CCSER1: variants seen among roughly 807,000 people sequenced by gnomAD.
CCSER1 encodes serine-rich coiled-coil domain-containing protein 1.
CCSER1 carries 41 observed loss-of-function variants against 82.0 expected under a neutral mutation model. The observed-to-expected ratio is 0.50, with a 90% CI of 0.39 to 0.65. The LOEUF is 0.65. Among genes scored for constraint, CCSER1 ranks in the 30% least tolerant of loss-of-function variants. CCSER1 has a pLI of 0.00. For synonymous variants in CCSER1, 414 were observed against 383.9 expected, an observed-to-expected ratio of 1.08 and a Z score of -0.92; for missense variants, 1,119 against 1,064.2, an observed-to-expected ratio of 1.05 and a Z score of -0.72.
chr4:91,506,858 G>A (rs1043163019), intron 10 of CCSER1, among the ~76,000 whole-genome samples: 2 of 151,994 alleles, frequency 1.3e-5, no homozygotes, highest in Admixed American at 6.6e-5. Flanking sequence ...CAATGAATTT[G>A]CCTATTTTGG....
chr4:91,480,349 A>C (rs891777528), intron 10 of CCSER1, among the ~76,000 whole-genome samples: 2 of 152,228 alleles, frequency 1.3e-5, no homozygotes, highest in Non-Finnish European at 2.9e-5. Flanking sequence ...ACTAGTTCAC[A>C]GTCCCACCAA....
At chr4:91,133,181 C>T (rs182699944) in intron 10 of CCSER1, among the ~76,000 whole-genome samples, 3 of 152,266 alleles carry the variant, frequency 2.0e-5, no homozygotes, top group Admixed American at 2.0e-4. Flanking sequence ...TGGTTCCCTT[C>T]TCTTCTCTTT....
rs375997127 is a variant in CCSER1 at position 90,810,832 on chromosome 4, CT to C, written c.2011-4912del. Among the ~76,000 whole-genome samples, 785 of 113,576 alleles carry C rather than the reference CT, an allele frequency of 6.9e-3. 7 individuals carry two copies. Among genetic ancestry groups the C allele is most frequent in the African/African-American group, 0.022 (646 of 28,908 alleles). The allele number at this position is 113,576 out of a possible 152,430, so 74.5% of individuals were successfully genotyped here. A position where few individuals can be genotyped will look rare whatever the true frequency, so the allele number is the denominator to read the frequency against. The stretch of plus-strand genomic sequence containing the variant: ...CTTTCTAGTGAAATAAAGAGTAATT[CT>C]TTTTTTTTTTTTTTTTTGAGACGGA... On this transcript the variant is annotated intron_variant, in intron 7 of 10. Coordinates refer to ENST00000509176, the MANE Select transcript of CCSER1 (RefSeq NM_001145065.2).
chr4:91,267,661 G>A (rs1741708786), intron 10 of CCSER1, among the ~76,000 whole-genome samples: 1 of 152,126 alleles, frequency 6.6e-6, no homozygotes, highest in South Asian at 2.1e-4. Flanking sequence ...TTAGATAAGT[G>A]TCTTTTGGGA....
intron 1 of CCSER1, among the ~76,000 whole-genome samples, chr4:90,297,053 GA>G (rs1732101812): frequency 6.6e-6 from 1 of 151,828 alleles, no homozygotes; most frequent in Admixed American, 6.6e-5. Context: ...GCTTGATGGG[GA>G]TGGCATTGGA....
chr4:91,446,676 A>AATATAT (rs70965498), intron 10 of CCSER1, among the ~76,000 whole-genome samples: 70 of 142,532 alleles, frequency 4.9e-4, no homozygotes, highest in Non-Finnish European at 8.2e-4. Context: ...TAAATAAATA[A>AATATAT]ATATATATAT....
chr4:91,113,069 T>C (rs1726222416), intron 10 of CCSER1, among the ~76,000 whole-genome samples: 1 of 152,250 alleles, frequency 6.6e-6, no homozygotes, highest in African/African-American at 2.4e-5. Context: ...TAGCTGCGGC[T>C]ATAGAAATTA....
chr4:90,867,357 A>C (rs1216151647), intron 8 of CCSER1, among the ~76,000 whole-genome samples: 8 of 152,144 alleles, frequency 5.3e-5, no homozygotes, highest in Non-Finnish European at 1.2e-4. Flanking sequence ...TAAATATTTA[A>C]CCGCATTCAA....
intron 8 of CCSER1, among the ~76,000 whole-genome samples, chr4:90,861,848 T>A (rs1285667601): frequency 6.6e-6 from 1 of 150,530 alleles, no homozygotes; most frequent in Non-Finnish European, 1.5e-5. Flanking sequence ...TATTTCATAG[T>A]TGGATGATTT....
intron 9 of CCSER1, among the ~76,000 whole-genome samples, chr4:91,079,931 C>T (rs1253978934): frequency 2.0e-5 from 3 of 152,128 alleles, no homozygotes; most frequent in Admixed American, 6.5e-5. Flanking sequence ...CCTTGAGAGA[C>T]CTAAAAAGGG....
intron 10 of CCSER1, among the ~76,000 whole-genome samples, chr4:91,427,202 C>G (rs1197040418): frequency 6.6e-6 from 1 of 152,120 alleles, no homozygotes; most frequent in African/African-American, 2.4e-5. Flanking sequence ...GCCTTACACA[C>G]TTTAAAGTAG....
At chr4:91,474,805 A>ATTTGTG (rs1313998659) in intron 10 of CCSER1, among the ~76,000 whole-genome samples, 2 of 67,672 alleles carry the variant, frequency 3.0e-5, no homozygotes, top group Non-Finnish European at 5.7e-5. Context: ...ATATATATAT[A>ATTTGTG]TATATATACA....
intron 10 of CCSER1, among the ~76,000 whole-genome samples, chr4:91,144,382 A>G (rs561128352): frequency 2.0e-5 from 3 of 152,032 alleles, no homozygotes; most frequent in Non-Finnish European, 2.9e-5. Context: ...AACATTCTAT[A>G]GACCTCATTT....
intron 8 of CCSER1, among the ~76,000 whole-genome samples, chr4:90,922,140 C>T (rs893493116): frequency 6.6e-6 from 1 of 151,982 alleles, no homozygotes; most frequent in Non-Finnish European, 1.5e-5. Flanking sequence ...AGTGATGAGA[C>T]TTTAATAGAA....
chr4:90,667,640 G>C (rs540239255), intron 6 of CCSER1, among the ~76,000 whole-genome samples: 1 of 152,162 alleles, frequency 6.6e-6, no homozygotes, highest in South Asian at 2.1e-4. Context: ...ATGGTTTCCA[G>C]CTTCATCCAT....
intron 1 of CCSER1, among the ~76,000 whole-genome samples, chr4:90,131,741 T>C (rs1335732041): frequency 6.6e-6 from 1 of 152,184 alleles, no homozygotes; most frequent in Non-Finnish European, 1.5e-5. Context: ...ACGGAGCCTA[T>C]AGTGAAAATT....
At chr4:90,175,154 A>G (rs1235218556) in intron 1 of CCSER1, among the ~76,000 whole-genome samples, 3 of 152,034 alleles carry the variant, frequency 2.0e-5, no homozygotes, top group South Asian at 2.1e-4. Context: ...TATGTCCACA[A>G]TGGAATAATA....
intron 1 of CCSER1, among the ~76,000 whole-genome samples, chr4:90,237,020 A>G (rs1438958251): frequency 6.6e-6 from 1 of 152,150 alleles, no homozygotes; most frequent in Non-Finnish European, 1.5e-5. Flanking sequence ...CAATATGGAT[A>G]TGGGTTTTGT....
chr4:90,981,220 T>G (rs1300486674), intron 9 of CCSER1, among the ~76,000 whole-genome samples: 1 of 151,858 alleles, frequency 6.6e-6, no homozygotes, highest in East Asian at 1.9e-4. Flanking sequence ...AAACTTTATT[T>G]CTTTTCTTCC....
Sources: gnomAD v4.1 joint callset for allele counts (sites outside exome capture counted in the v4.1 genomes callset) on GRCh38, gnomAD v4.1.1 for gene constraint, MANE v1.5 for transcripts, NCBI Gene and HGNC (gene_info 2026-07-23, HGNC 2026-07-21) for gene names.